Variants in COL4A3 observed in about 807,000 individuals in gnomAD.
The protein encoded by COL4A3 is collagen alpha-3(IV) chain.
Under a neutral mutation model 217.4 loss-of-function variants are expected in COL4A3, and 135 were observed. The observed-to-expected ratio is 0.62, with a 90% confidence interval of 0.54 to 0.72. The LOEUF is 0.72. Among genes scored for constraint, COL4A3 ranks in the 30% least tolerant of loss-of-function variants. The pLI is 0.00. For missense variants in COL4A3, 1,868 were observed against 2,119.9 expected (o/e 0.88, Z 2.33); for synonymous variants, 690 against 736.3 (o/e 0.94, Z 1.02).
intron 51 of COL4A3, among the ~76,000 whole-genome samples, chr2:227,311,256 G>A (rs71431032): frequency 6.6e-6 from 1 of 152,048 alleles, no homozygotes; most frequent in Non-Finnish European, 1.5e-5. Flanking sequence ...TTTTCATCAA[G>A]GCCTATGTTT....
At chr2:227,220,106 C>T (rs2067702340) in intron 1 of COL4A3, among the ~76,000 whole-genome samples, 1 of 149,730 alleles carries the variant, frequency 6.7e-6, no homozygotes, top group Non-Finnish European at 1.5e-5. Flanking sequence ...CATTAATGGA[C>T]CAGAGCTTCT....
At chr2:227,245,114 G>C (rs1342257147) in intron 5 of COL4A3, 119 bp downstream of exon 5, 1 of 944,180 alleles carries the variant, frequency 1.1e-6, no homozygotes, top group East Asian at 2.4e-5. Context: ...GAAGAAAATA[G>C]CACCTTAGGA....
chr2:227,280,568 T>G lies in COL4A3; in HGVS notation c.2352T>G (p.Asn784Lys). The change falls in exon 30 of 52, where the codon AAT (asparagine) becomes AAG (lysine). Residue 784 changes from asparagine (N) to lysine (K), a missense_variant. Asn to Lys is a moderately conservative substitution (Grantham distance 94, BLOSUM62 0). Around this residue, in one of 2 missense-constraint regions of COL4A3, gnomAD observed 1,503 missense variants for 1,786.1 expected, o/e 0.84. Transcript: ENST00000396578. ...GLPGLPGTPGNEGLDGPRGDP... is the reference protein window; with the variant it reads ...GLPGLPGTPGKEGLDGPRGDP... ...CAGGTCTCCCTGGAACTCCAGGAAATGAAGGGCTTGATGGACCACGAGGTA... is the reference window on the plus strand; with the variant it reads ...CAGGTCTCCCTGGAACTCCAGGAAAGGAAGGGCTTGATGGACCACGAGGTA... 6.2e-7 allele frequency: 1 copy of G among 1,614,028 alleles called. No individual in the cohort carries two copies. The highest frequency in any genetic ancestry group is 2.2e-5 in the East Asian group (1 of 44,862).
At chr2:227,215,039 T>A (rs2067473808) in intron 1 of COL4A3, among the ~76,000 whole-genome samples, 1 of 152,212 alleles carries the variant, frequency 6.6e-6, no homozygotes, top group Admixed American at 6.5e-5. Flanking sequence ...CGGCTTAGAA[T>A]GTGGGATTAA....
chr2:227,248,379 A>G, intron 8 of COL4A3, 64 bp from the exon 9 acceptor site: 2 of 940,112 alleles, frequency 2.1e-6, no homozygotes, highest in Non-Finnish European at 3.5e-6. Flanking sequence ...ACTTTGAATA[A>G]GCACTTGAAG....
chr2:227,184,891 C>CTTTTTTT (rs34345055), intron 1 of COL4A3, among the ~76,000 whole-genome samples: 1 of 62,566 alleles, frequency 1.6e-5, no homozygotes, highest in Non-Finnish European at 2.9e-5. Context: ...CCTCACTGGC[C>CTTTTTTT]TTTTTTTTTT....
At chr2:227,298,242 C>G (rs113267283) in intron 42 of COL4A3, among the ~76,000 whole-genome samples, 3 of 152,120 alleles carry the variant, frequency 2.0e-5, no homozygotes, top group Non-Finnish European at 4.4e-5. Flanking sequence ...ATACCGGCAA[C>G]TCAGGAGGCT....
chr2:227,220,596 A>G (rs1460703757), intron 1 of COL4A3, among the ~76,000 whole-genome samples: 1 of 152,100 alleles, frequency 6.6e-6, no homozygotes, highest in Admixed American at 6.5e-5. Flanking sequence ...AATAGCTGGA[A>G]CTACAGGCAC....
intron 34 of COL4A3, among the ~76,000 whole-genome samples, chr2:227,286,054 CTT>C (rs1308790782): frequency 6.6e-6 from 1 of 152,218 alleles, no homozygotes; most frequent in East Asian, 1.9e-4. Flanking sequence ...GCGTGGCAGA[CTT>C]AGGCATATGT....
intron 1 of COL4A3, among the ~76,000 whole-genome samples, chr2:227,213,774 T>C (rs1199728853): frequency 6.6e-6 from 1 of 151,456 alleles, no homozygotes; most frequent in African/African-American, 2.4e-5. Context: ...TGGTGACAAG[T>C]GCCCGTAAAC....
intron 1 of COL4A3, among the ~76,000 whole-genome samples, chr2:227,183,110 T>G (rs1233537137): frequency 6.6e-6 from 1 of 152,208 alleles, no homozygotes; most frequent in African/African-American, 2.4e-5. Flanking sequence ...TCTATGTTGT[T>G]ATAAGCTCTT....
chr2:227,278,564 C>T (rs2071733850), intron 28 of COL4A3, among the ~76,000 whole-genome samples: 1 of 152,188 alleles, frequency 6.6e-6, no homozygotes, highest in Non-Finnish European at 1.5e-5. Flanking sequence ...AACATAATCT[C>T]ATTTCTCCTG....
rs771984779 is a variant in COL4A3 at position 227,270,722 on chromosome 2, A to T, written c.1576-48A>T. On this transcript the variant is annotated intron_variant, in intron 24 of 51. Coordinates refer to ENST00000396578, the MANE Select transcript of COL4A3 (RefSeq NM_000091.5). ...ACACTGTTTTTAAGATTGACAGAAG[A>T]AGAATTCTAACAAAATACAATACAG... The T allele has an allele frequency of 2.5e-6, 4 of 1,582,598 alleles. No individual in the cohort carries two copies. In the Admixed American group the frequency reaches 5.0e-5, roughly 20 times the overall value.
intron 1 of COL4A3, among the ~76,000 whole-genome samples, chr2:227,209,191 C>T (rs1361148746): frequency 6.6e-6 from 1 of 152,226 alleles, no homozygotes; most frequent in Non-Finnish European, 1.5e-5. Context: ...CTTGAAAGGT[C>T]ATCCCAGGAT....
At position 227,310,826 on chromosome 2, in the gene COL4A3, C is replaced by A. The variant is rs751303959; in HGVS notation, c.4806C>A (p.Gly1602=). The change falls in exon 51 of 52, where the codon GGC becomes GGA. Residue 1602 remains glycine, a synonymous_variant. Coordinates refer to ENST00000396578, the MANE Select transcript of COL4A3 (RefSeq NM_000091.5). ...EGTGQALASP[G]SCLEEFRASP... is the part of the protein sequence containing the mutation. ...CCGGGCAAGCACTGGCCTCCCCTGG[C>A]TCCTGCCTGGAAGAATTCCGAGCCA... 8.1e-6 allele frequency: 13 copies of A among 1,614,202 alleles called. No individual in the cohort carries two copies. Among genetic ancestry groups the A allele is most frequent in the Non-Finnish European group, 1.1e-5 (13 of 1,180,024 alleles).
intron 20 of COL4A3, among the ~76,000 whole-genome samples, chr2:227,262,879 AG>A (rs1167959348): frequency 2.0e-5 from 3 of 152,222 alleles, no homozygotes; most frequent in African/African-American, 7.2e-5. Context: ...ATAGCACAGT[AG>A]GGTGACTATA....
rs768683708 is a variant in COL4A3 at position 227,269,866 on chromosome 2, T to A, written c.1505-44T>A. ...ATTGTATTACCCTGTCTACTTAGAGTTGGCGTTCAATGAGGAGTTAGTTAA... is the reference window on the plus strand; with the variant it reads ...ATTGTATTACCCTGTCTACTTAGAGATGGCGTTCAATGAGGAGTTAGTTAA... On this transcript the variant is annotated intron_variant, in intron 23 of 51. Transcript: ENST00000396578. The A allele has an allele frequency of 2.6e-6, 4 of 1,522,020 alleles. No individual in the cohort carries two copies. The African/African-American group carries it at 5.5e-5, about 21-fold the overall frequency. 94.3% of individuals were successfully genotyped at this position (1,522,020 alleles called of 1,614,324 possible). A position where few individuals can be genotyped will look rare whatever the true frequency, so the allele number is the denominator to read the frequency against.
At chr2:227,179,453 T>C (rs2065800334) in intron 1 of COL4A3, among the ~76,000 whole-genome samples, 1 of 152,258 alleles carries the variant, frequency 6.6e-6, no homozygotes, top group Non-Finnish European at 1.5e-5. Context: ...AAAAATAGTT[T>C]AACCTACTTC....
chr2:227,286,580 G>T (rs2072341310), intron 34 of COL4A3, among the ~76,000 whole-genome samples: 1 of 152,214 alleles, frequency 6.6e-6, no homozygotes, highest in African/African-American at 2.4e-5. Flanking sequence ...GGGAGGTCAA[G>T]TTACTTGCCC....
Sources: allele counts gnomAD v4.1 joint callset (sites outside exome capture counted in the v4.1 genomes callset), GRCh38; gene constraint gnomAD v4.1.1; regional missense constraint gnomAD v4.1.1; transcripts MANE v1.5; gene names NCBI Gene and HGNC (gene_info 2026-07-23, HGNC 2026-07-21).